KLHL12: variants seen among roughly 807,000 people sequenced by gnomAD.
The protein encoded by KLHL12 is kelch like family member 12.
KLHL12 carries 17 observed loss-of-function variants against 60.8 expected under a neutral mutation model. The ratio of observed to expected loss-of-function variants is 0.28; its 90% CI spans 0.19 to 0.42. The LOEUF is 0.42. KLHL12 is among the 10% of genes least tolerant of loss of function. The pLI, the probability that KLHL12 is intolerant of heterozygous loss-of-function variation, is 1.00. For missense variants in KLHL12, 468 were observed against 722.3 expected (o/e 0.65, Z 4.04); for synonymous variants, 220 against 250.9 (o/e 0.88, Z 1.16).
intron 2 of KLHL12, among the ~76,000 whole-genome samples, chr1:202,921,707 G>C (rs557436898): frequency 6.6e-6 from 1 of 152,240 alleles, no homozygotes; most frequent in East Asian, 1.9e-4. Flanking sequence ...GCTAAGAGAA[G>C]AAATCTTCAA....
rs769791759 is a variant in KLHL12 at position 202,911,131 on chromosome 1, A to ATTC, written c.637_639dup (p.Glu213dup). 1 of 1,614,108 alleles carries ATTC rather than the reference A, an allele frequency of 6.2e-7. No individual in the cohort carries two copies. Among genetic ancestry groups the ATTC allele is most frequent in the South Asian group, 1.1e-5 (1 of 91,070 alleles). On this transcript the variant is annotated inframe_insertion, in exon 5 of 12. Transcript: ENST00000367261. The stretch of plus-strand genomic sequence containing the variant: ...ACATACTGTAGCAGGTTAGGCAAGG[A>ATTC]TTCTTCCCGCTCTTTCTTGGCATGC...
chr1:202,926,264 T>C (rs1487820186), intron 1 of KLHL12, among the ~76,000 whole-genome samples: 1 of 152,208 alleles, frequency 6.6e-6, no homozygotes, highest in East Asian at 1.9e-4. Context: ...TCCATTACTG[T>C]TAAAGAATCG....
At chr1:202,905,115 T>C (rs759503243) in intron 6 of KLHL12, among the ~76,000 whole-genome samples, 49 of 152,320 alleles carry the variant, frequency 3.2e-4, no homozygotes, top group African/African-American at 1.1e-3. Flanking sequence ...TGCTTCAGCA[T>C]TTCCCTTCTA....
Position 202,891,570 on chromosome 1 carries a change from G to A in KLHL12, c.*963C>T, listed in dbSNP as rs1659677358. 1 of 152,216 alleles carries A rather than the reference G, an allele frequency of 6.6e-6. No homozygotes were observed. The highest frequency in any genetic ancestry group is 2.4e-5 in the African/African-American group (1 of 41,436). 9.4% of individuals were successfully genotyped at this position (152,216 alleles called of 1,614,324 possible). A position where few individuals can be genotyped will look rare whatever the true frequency, so the allele number is the denominator to read the frequency against. ...CTCCCAGCCCATCCCCAAATAAATAGTGTGGAAGTGTAATAGTGTAGTAGT... is the reference window on the plus strand; with the variant it reads ...CTCCCAGCCCATCCCCAAATAAATAATGTGGAAGTGTAATAGTGTAGTAGT... On this transcript the variant is annotated 3_prime_UTR_variant, in exon 12 of 12. Coordinates refer to ENST00000367261, the MANE Select transcript of KLHL12 (RefSeq NM_021633.4).
At chr1:202,906,842 A>G (rs956183446) in intron 6 of KLHL12, among the ~76,000 whole-genome samples, 2 of 152,038 alleles carry the variant, frequency 1.3e-5, no homozygotes, top group African/African-American at 4.8e-5. Flanking sequence ...TTGTATTTTT[A>G]GTAGACATGG....
At chr1:202,905,109 T>C (rs1660142535) in intron 6 of KLHL12, among the ~76,000 whole-genome samples, 1 of 152,188 alleles carries the variant, frequency 6.6e-6, no homozygotes, top group East Asian at 1.9e-4. Flanking sequence ...GGAAACTGCT[T>C]CAGCATTTCC....
chr1:202,928,503 T>G, upstream of KLHL12: 1 of 1,304,396 alleles, frequency 7.7e-7, no homozygotes, highest in Non-Finnish European at 1.0e-6. Context: ...GAGGAACTTT[T>G]TGACATCGAG....
At position 202,892,058 on chromosome 1, in the gene KLHL12, A is replaced by C. The variant is rs1019414696; in HGVS notation, c.*475T>G. 1 of 140,872 alleles carries C rather than the reference A, an allele frequency of 7.1e-6. No homozygotes were observed. Among genetic ancestry groups the C allele is most frequent in the Non-Finnish European group, 1.5e-5 (1 of 65,430 alleles). 8.7% of individuals were successfully genotyped at this position (140,872 alleles called of 1,614,324 possible). On this transcript the variant is annotated 3_prime_UTR_variant, in exon 12 of 12. Coordinates refer to ENST00000367261, the MANE Select transcript of KLHL12 (RefSeq NM_021633.4). ...AACTGTGTTGCCCCTAGCTACCTGT[A>C]TATGAGAAAATGTAGTTGTTCCTGG...
At chr1:202,896,133 T>A (rs764153272) in intron 7 of KLHL12, among the ~76,000 whole-genome samples, 1 of 152,222 alleles carries the variant, frequency 6.6e-6, no homozygotes, top group Non-Finnish European at 1.5e-5. Flanking sequence ...TTTCCATGTT[T>A]TCTCAGAAAT....
At chr1:202,921,329 C>T (rs1660692414) in intron 2 of KLHL12, among the ~76,000 whole-genome samples, 3 of 152,126 alleles carry the variant, frequency 2.0e-5, no homozygotes, top group Admixed American at 1.3e-4. Flanking sequence ...CACATGCCAC[C>T]ATGCCTGGCT....
Position 202,895,210 on chromosome 1 carries a change from G to T in KLHL12, c.1135+312C>A, listed in dbSNP as rs946808285. On this transcript the variant is annotated intron_variant, in intron 8 of 11. Transcript: ENST00000367261. This position sits in a 1 kb window ranked among gnomAD's most constrained non-coding sequence, Gnocchi z 4.2. ...AGTTAGAGATCAGCCTGGGCAACATGGCGAAACCCCATCTCTACTAAAAAT... is the reference window on the plus strand; with the variant it reads ...AGTTAGAGATCAGCCTGGGCAACATTGCGAAACCCCATCTCTACTAAAAAT... Among the ~76,000 whole-genome samples the T allele has an allele frequency of 1.3e-5, 2 of 151,948 alleles. No individual in the cohort carries two copies. The highest frequency in any genetic ancestry group is 6.6e-5 in the Admixed American group (1 of 15,252).
In KLHL12 at chr1:202,894,656, C is replaced by G; in HGVS notation, c.1229G>C (p.Gly410Ala). 1 of 1,614,174 alleles carries G rather than the reference C, an allele frequency of 6.2e-7. No homozygotes were observed. Among genetic ancestry groups the G allele is most frequent in the Non-Finnish European group, 8.5e-7 (1 of 1,180,018 alleles). ...ACCTTCCCGGGCTGTCTGCATATCT[C>G]CCAGCATGCTCCACTGGTCAATGTT... Reference protein sequence around the residue: ...DPNIDQWSMLGDMQTAREGAG... With the variant: ...DPNIDQWSMLADMQTAREGAG... The change falls in exon 9 of 12, where the codon GGA (glycine) becomes GCA (alanine). Residue 410 changes from glycine to alanine, a missense_variant. Transcript: ENST00000367261.
At chr1:202,927,035 G>A (rs1653603973) in intron 1 of KLHL12, 54 bp downstream of exon 1, 2 of 981,846 alleles carry the variant, frequency 2.0e-6, no homozygotes, top group African/African-American at 1.8e-5. Flanking sequence ...CCATAACCCG[G>A]AGTTGACGGA....
At chr1:202,926,844 C>A (rs756328245) in intron 1 of KLHL12, among the ~76,000 whole-genome samples, 1 of 152,182 alleles carries the variant, frequency 6.6e-6, no homozygotes, top group Non-Finnish European at 1.5e-5. Context: ...GAAGTCCTTC[C>A]TCCTAATACC....
upstream of KLHL12, among the ~76,000 whole-genome samples, chr1:202,927,825 C>CA (rs1296530129): frequency 2.0e-5 from 3 of 146,768 alleles, no homozygotes; most frequent in Non-Finnish European, 4.5e-5. Context: ...ACTGAAAATA[C>CA]AAAAAAATTA....
intron 6 of KLHL12, among the ~76,000 whole-genome samples, chr1:202,908,684 T>C (rs577519655): frequency 3.4e-4 from 52 of 152,364 alleles, no homozygotes; most frequent in Non-Finnish European, 6.0e-4. Flanking sequence ...TGCCATTATG[T>C]GGCACTAAAA....
chr1:202,897,512 C>A (rs1659878772), intron 6 of KLHL12, among the ~76,000 whole-genome samples: 1 of 151,856 alleles, frequency 6.6e-6, no homozygotes, highest in Non-Finnish European at 1.5e-5. Context: ...GTGTGAGTCA[C>A]TGTGCCCGGC....
intron 6 of KLHL12, among the ~76,000 whole-genome samples, chr1:202,897,228 CTTTTTTTTTTTTT>C (rs11305071): frequency 1.3e-4 from 11 of 82,282 alleles, no homozygotes; most frequent in South Asian, 4.4e-4. Context: ...ATTTCTTTTT[CTTTTTTTTTTTTT>C]TTTTTTTTTT....
intron 6 of KLHL12, among the ~76,000 whole-genome samples, chr1:202,903,460 G>T (rs993019341): frequency 2.0e-4 from 27 of 132,556 alleles, no homozygotes; most frequent in Non-Finnish European, 7.8e-5. Flanking sequence ...ATGCATTCTT[G>T]TTTTTTTTTT....
Sources: allele counts gnomAD v4.1 joint callset (sites outside exome capture counted in the v4.1 genomes callset), GRCh38; gene constraint gnomAD v4.1.1; non-coding constraint Gnocchi (gnomAD v3.1); transcripts MANE v1.5; gene names NCBI Gene and HGNC (gene_info 2026-07-23, HGNC 2026-07-21).